The following WNT9B variants were observed in gnomAD, a reference collection of about 807,000 sequenced individuals.
WNT9B encodes the protein protein Wnt-9b.
A neutral mutation model predicts 30.2 loss-of-function variants in WNT9B; 12 were observed. That is an observed-to-expected ratio of 0.40 (90% CI 0.26 to 0.64). The LOEUF (loss-of-function observed/expected upper bound fraction) is 0.64, where lower values mean the gene tolerates loss of function less well. Among genes scored for constraint, WNT9B ranks in the 30% least tolerant of loss-of-function variants. The pLI is 0.42. For synonymous variants in WNT9B, 218 were observed against 216.9 expected, an observed-to-expected ratio of 1.01 and a Z score of -0.05; for missense variants, 442 against 485.2, an observed-to-expected ratio of 0.91 and a Z score of 0.84.
chr17:46,884,114 G>T (rs2085460400), downstream of WNT9B, among the ~76,000 whole-genome samples: 1 of 152,152 alleles, frequency 6.6e-6, no homozygotes, highest in Admixed American at 6.5e-5. Context: ...AGTCCAGGGT[G>T]GCCAGAAGCC....
At chr17:46,837,978 G>C (rs185371729) in intron 1 of WNT9B, among the ~76,000 whole-genome samples, 5 of 152,262 alleles carry the variant, frequency 3.3e-5, no homozygotes, top group Non-Finnish European at 5.9e-5. Context: ...TTTTCCACGT[G>C]TACATCACCG....
downstream of WNT9B, among the ~76,000 whole-genome samples, chr17:46,882,576 C>T (rs1253323006): frequency 6.6e-6 from 1 of 152,100 alleles, no homozygotes; most frequent in Middle Eastern, 3.2e-3. Context: ...GCTGGGATTA[C>T]AGGCTCACCC....
chr17:46,880,822 C>T (rs867629757), downstream of WNT9B, among the ~76,000 whole-genome samples: 3 of 152,192 alleles, frequency 2.0e-5, no homozygotes, highest in African/African-American at 4.8e-5. Flanking sequence ...ATAATCCATC[C>T]TGGATTACAC....
intron 1 of WNT9B, chr17:46,833,513 C>T: frequency 2.2e-6 from 1 of 449,232 alleles, no homozygotes; most frequent in Non-Finnish European, 4.5e-6. Flanking sequence ...CCTGACTTCT[C>T]TCTGAGCTTT....
intron 1 of WNT9B, among the ~76,000 whole-genome samples, chr17:46,862,639 G>A (rs911222738): frequency 4.6e-5 from 7 of 152,128 alleles, no homozygotes; most frequent in African/African-American, 1.4e-4. Context: ...CTGGAGTGCA[G>A]TGGCAGGATC....
rs1158118535 is a variant in WNT9B at position 46,878,465 on chromosome 17, G to A, written c.*1747G>A. On this transcript the variant is annotated 3_prime_UTR_variant, in exon 4 of 4. Transcript: ENST00000290015. ...GAAGGATTTTTGACTGCAGAGGCCCGGCTGAGAAGCCAAACTGACCTGAGC... is the reference window on the plus strand; with the variant it reads ...GAAGGATTTTTGACTGCAGAGGCCCAGCTGAGAAGCCAAACTGACCTGAGC... 1.3e-5 allele frequency among the ~76,000 whole-genome samples: 2 copies of A among 152,318 alleles called. No homozygotes were observed. The highest frequency in any genetic ancestry group is 2.4e-5 in the African/African-American group (1 of 41,560).
upstream of WNT9B, among the ~76,000 whole-genome samples, chr17:46,850,136 C>T (rs2084824072): frequency 6.6e-6 from 1 of 152,226 alleles, no homozygotes; most frequent in Non-Finnish European, 1.5e-5. Context: ...AGGCATGAGC[C>T]AACGTGCCTG....
At chr17:46,852,388 CAGTGTGTG>C (rs1261882083) in intron 1 of WNT9B, among the ~76,000 whole-genome samples, 1 of 101,158 alleles carries the variant, frequency 9.9e-6, no homozygotes, top group Non-Finnish European at 2.0e-5. Flanking sequence ...TGAGAGGGCC[CAGTGTGTG>C]TGTGTGTGTG....
rs1288927365 is a variant in WNT9B at position 46,845,377 on chromosome 17, G to A, written c.95+11937G>A. ...TCCTGGAAGTGGTAACCAGGGCTGG[G>A]GTGGGGGTTATATTCACGGTGAGCC... On this transcript the variant is annotated intron_variant, in intron 1 of 2. Transcript: ENST00000575372. 3.9e-5 allele frequency among the ~76,000 whole-genome samples: 6 copies of A among 152,174 alleles called. No individual in the cohort carries two copies. In the East Asian group the frequency reaches 1.2e-3, roughly 29 times the overall value.
At chr17:46,840,583 A>C (rs2084701525) in intron 1 of WNT9B, among the ~76,000 whole-genome samples, 1 of 152,202 alleles carries the variant, frequency 6.6e-6, no homozygotes, top group African/African-American at 2.4e-5. Flanking sequence ...AGGAATTGCC[A>C]TACTGTCTAA....
At chr17:46,881,858 T>A (rs569795328), downstream of WNT9B, among the ~76,000 whole-genome samples, 335 of 152,342 alleles carry the variant, frequency 2.2e-3, 3 homozygotes, top group Non-Finnish European at 2.8e-4. Context: ...TACTTTATCA[T>A]GTATCTCCTA....
At chr17:46,884,927 A>G, downstream of WNT9B, 2 of 342,514 alleles carry the variant, frequency 5.8e-6, no homozygotes, top group Non-Finnish European at 1.2e-5. Context: ...AAATTTGTGA[A>G]CTCCCCCAAC....
At chr17:46,848,930 G>A (rs778272830), upstream of WNT9B, among the ~76,000 whole-genome samples, 13 of 129,146 alleles carry the variant, frequency 1.0e-4, no homozygotes, top group Non-Finnish European at 1.8e-4. Context: ...ATGTGTGCAC[G>A]TGCACACACA....
downstream of WNT9B, among the ~76,000 whole-genome samples, chr17:46,882,029 A>G (rs1432801926): frequency 6.6e-6 from 1 of 152,146 alleles, no homozygotes; most frequent in Non-Finnish European, 1.5e-5. Context: ...ACAGGTTCAC[A>G]CCCATAATCC....
At chr17:46,876,115 G>C in intron 3 of WNT9B, 130 bp from the exon 4 acceptor site, 1 of 847,162 alleles carries the variant, frequency 1.2e-6, no homozygotes, top group Non-Finnish European at 1.8e-6. Flanking sequence ...AAGGGGAGGA[G>C]CTGGGGCTGA....
rs940142975 is a variant in WNT9B at position 46,875,491 on chromosome 17, A to G, written c.600+125A>G. 8 of 1,307,178 alleles carry G rather than the reference A, an allele frequency of 6.1e-6. No individual in the cohort carries two copies. The African/African-American group carries it at 1.0e-4, about 17-fold the overall frequency. 81.0% of individuals were successfully genotyped at this position (1,307,178 alleles called of 1,614,324 possible). On this transcript the variant is annotated intron_variant, in intron 3 of 3. Coordinates refer to ENST00000290015, the MANE Select transcript of WNT9B (RefSeq NM_003396.3). ...GAAGAGCCGTGAACTTCATAAAGGCAGGATGAACTTCACGTCTTCAACCAG... is the reference window on the plus strand; with the variant it reads ...GAAGAGCCGTGAACTTCATAAAGGCGGGATGAACTTCACGTCTTCAACCAG...
chr17:46,872,520 G>T lies in WNT9B; in HGVS notation c.81G>T (p.Leu27=). The change falls in exon 2 of 4, where the codon CTG becomes CTT. Residue 27 remains leucine (L), a synonymous_variant. Coordinates refer to ENST00000290015, the MANE Select transcript of WNT9B (RefSeq NM_003396.3). The stretch of plus-strand genomic sequence containing the variant: ...TCCCTCCTCTCGCTCTCTCTAGCCT[G>T]ACCGGGCGGGAAGTCCTGACGCCCT... ...LPAAAASYFG[L]TGREVLTPFP... 6.5e-7 allele frequency: 1 copy of T among 1,537,940 alleles called. No individual in the cohort carries two copies. The highest frequency in any genetic ancestry group is 1.3e-5 in the South Asian group (1 of 78,560).
At chr17:46,873,724 T>C (rs1215426481) in intron 2 of WNT9B, among the ~76,000 whole-genome samples, 4 of 150,294 alleles carry the variant, frequency 2.7e-5, no homozygotes, top group Non-Finnish European at 4.4e-5. Flanking sequence ...AACACTGCAG[T>C]TGGCCGGTTG....
rs548992535 is a variant in WNT9B at position 46,872,691 on chromosome 17, C to A, written c.252C>A (p.Leu84=). The change falls in exon 2 of 4, where the codon CTC becomes CTA. Residue 84 remains leucine (L), a synonymous_variant. Transcript: ENST00000290015. The part of the protein sequence containing the change: ...LAETLRDAAH[L]GLLECQFQFR... ...AGACCCTGAGGGATGCTGCGCACCTCGGCCTGCTTGAGTGCCAGTTTCAGT... is the reference window on the plus strand; with the variant it reads ...AGACCCTGAGGGATGCTGCGCACCTAGGCCTGCTTGAGTGCCAGTTTCAGT... 12 of 1,613,310 alleles carry A rather than the reference C, an allele frequency of 7.4e-6. No individual in the cohort carries two copies. Among genetic ancestry groups the A allele is most frequent in the South Asian group, 6.6e-5 (6 of 91,032 alleles).
Sources: gnomAD v4.1 joint callset for allele counts (sites outside exome capture counted in the v4.1 genomes callset) on GRCh38, gnomAD v4.1.1 for gene constraint, MANE v1.5 for transcripts, NCBI Gene and HGNC (gene_info 2026-07-23, HGNC 2026-07-21) for gene names.